CFAP52: variants seen among roughly 807,000 people sequenced by gnomAD.
The protein encoded by CFAP52 is cilia and flagella associated protein 52, also known as cilia- and flagella-associated protein 52.
A neutral mutation model predicts 70.5 loss-of-function variants in CFAP52; 57 were observed. The ratio of observed to expected loss-of-function variants is 0.81; its 90% CI spans 0.65 to 1.01. The LOEUF (loss-of-function observed/expected upper bound fraction) is 1.01. CFAP52 is among the 50% of genes least tolerant of loss of function. CFAP52 has a pLI of 0.00. For synonymous variants in CFAP52, 267 were observed against 292.5 expected, an observed-to-expected ratio of 0.91 and a Z score of 0.89; for missense variants, 785 against 788.5, an observed-to-expected ratio of 1.00 and a Z score of 0.05.
At position 9,580,715 on chromosome 17, in the gene CFAP52, G is replaced by C. The variant is rs1314771084; in HGVS notation, c.70+3950G>C. 2.0e-5 allele frequency among the ~76,000 whole-genome samples: 3 copies of C among 149,208 alleles called. No homozygotes were observed. The East Asian group carries it at 6.0e-4, about 30-fold the overall frequency. On this transcript the variant is annotated intron_variant, in intron 1 of 13. Coordinates refer to ENST00000352665, the MANE Select transcript of CFAP52 (RefSeq NM_145054.5). ...AAAAAAAAAAAAAAATGCTGTTAAA[G>C]CAGTGATGGTTTTTGCTTCTCAAAC...
chr17:9,594,079 T>A, intron 3 of CFAP52, 114 bp from the exon 4 acceptor site: 1 of 1,423,560 alleles, frequency 7.0e-7, no homozygotes, highest in Non-Finnish European at 9.2e-7. Context: ...GTTGTTCGTT[T>A]TTAAGTAACC....
chr17:9,596,083 ATATATATATATATATATATG>A (rs1909003810), intron 4 of CFAP52, among the ~76,000 whole-genome samples: 2 of 139,406 alleles, frequency 1.4e-5, no homozygotes, highest in Non-Finnish European at 1.5e-5. Context: ...ATATATATAT[ATATATATATATATATATATG>A]TACACATATA....
At chr17:9,591,405 A>G (rs901243429) in intron 3 of CFAP52, among the ~76,000 whole-genome samples, 3 of 152,104 alleles carry the variant, frequency 2.0e-5, no homozygotes, top group Admixed American at 6.6e-5. Flanking sequence ...CATGGTATTC[A>G]TGTTGTAATG....
intron 12 of CFAP52, 181 bp downstream of exon 12, chr17:9,638,892 G>C (rs1225450387): frequency 1.7e-6 from 1 of 604,778 alleles, no homozygotes; most frequent in Non-Finnish European, 2.9e-6. Flanking sequence ...TTCCCCACCT[G>C]TTAAGTGGAA....
intron 6 of CFAP52, among the ~76,000 whole-genome samples, chr17:9,601,976 C>T (rs775698776): frequency 2.6e-5 from 4 of 152,108 alleles, no homozygotes; most frequent in Non-Finnish European, 5.9e-5. Flanking sequence ...TTCTTAGTCA[C>T]ATAATCATTT....
chr17:9,595,567 A>T (rs921605569), intron 4 of CFAP52, among the ~76,000 whole-genome samples: 6 of 152,062 alleles, frequency 3.9e-5, no homozygotes, highest in African/African-American at 1.5e-4. Flanking sequence ...CTGCTCCTTC[A>T]CAGCCCCTTA....
At chr17:9,639,974 T>C (rs1401054596) in intron 12 of CFAP52, among the ~76,000 whole-genome samples, 1 of 152,200 alleles carries the variant, frequency 6.6e-6, no homozygotes, top group East Asian at 1.9e-4. Context: ...GGTTCTGGCA[T>C]GGTTTTCTAT....
downstream of CFAP52, chr17:9,645,543 C>T: frequency 8.9e-7 from 1 of 1,125,480 alleles, no homozygotes; most frequent in African/African-American, 1.6e-5. This position sits in a 1 kb window ranked among gnomAD's most constrained non-coding sequence, Gnocchi z 6.8. Context: ...TAGCCGGCAC[C>T]AGGAGCCTTA....
At chr17:9,607,749 T>C (rs950335884) in intron 6 of CFAP52, among the ~76,000 whole-genome samples, 2 of 152,148 alleles carry the variant, frequency 1.3e-5, no homozygotes, top group African/African-American at 4.8e-5. Context: ...ATTTTTAAAA[T>C]ATTCAAAATG....
At chr17:9,599,778 G>T (rs1194426211) in intron 5 of CFAP52, among the ~76,000 whole-genome samples, 1 of 151,142 alleles carries the variant, frequency 6.6e-6, no homozygotes, top group Non-Finnish European at 1.5e-5. Context: ...TTTTGCTCTT[G>T]TTGCCCAGGC....
At chr17:9,624,278 T>A (rs1910159057) in intron 8 of CFAP52, among the ~76,000 whole-genome samples, 1 of 152,124 alleles carries the variant, frequency 6.6e-6, no homozygotes, top group Non-Finnish European at 1.5e-5. Context: ...TGCTCACTTC[T>A]GTTCCCCTGA....
At chr17:9,608,707 A>T (rs1339926670) in intron 7 of CFAP52, among the ~76,000 whole-genome samples, 4 of 152,334 alleles carry the variant, frequency 2.6e-5, no homozygotes, top group African/African-American at 7.2e-5. Flanking sequence ...TCTGCTATGT[A>T]TGTTTCTTGG....
At chr17:9,632,792 C>G (rs75224587) in intron 9 of CFAP52, 96 bp from the exon 10 acceptor site, 45 of 1,514,686 alleles carry the variant, frequency 3.0e-5, no homozygotes, top group African/African-American at 4.4e-5. Context: ...CACAGCACCA[C>G]TCACCAGGCC....
chr17:9,604,599 C>G (rs534323029), intron 6 of CFAP52, among the ~76,000 whole-genome samples: 2 of 151,946 alleles, frequency 1.3e-5, no homozygotes, highest in South Asian at 4.2e-4. Flanking sequence ...GAAACCCCGT[C>G]TCTACTAAAA....
At position 9,585,816 on chromosome 17, in the gene CFAP52, T is replaced by C. The variant is rs1908440189; in HGVS notation, c.114T>C (p.His38=). 3 of 1,613,980 alleles carry C rather than the reference T, an allele frequency of 1.9e-6. No individual in the cohort carries two copies. Among genetic ancestry groups the C allele is most frequent in the Non-Finnish European group, 2.5e-6 (3 of 1,180,026 alleles). Residue 38 remains histidine, a synonymous_variant, in exon 2 of 14, where the codon CAT becomes CAC. Transcript: ENST00000352665. ...TCAAATGCCATCCTGACCAGGAGCATATGATTTATCCTCTTGGTTGCACAG... is the reference window on the plus strand; with the variant it reads ...TCAAATGCCATCCTGACCAGGAGCACATGATTTATCCTCTTGGTTGCACAG... ...TGLKCHPDQE[H]MIYPLGCTVL...
chr17:9,582,740 G>A (rs577830203), intron 1 of CFAP52, among the ~76,000 whole-genome samples: 4 of 152,250 alleles, frequency 2.6e-5, no homozygotes, highest in South Asian at 2.1e-4. Flanking sequence ...AGGTTTAAGC[G>A]ATTCTCCTGC....
At chr17:9,623,690 GTTT>G (rs1910132214) in intron 8 of CFAP52, among the ~76,000 whole-genome samples, 3 of 151,834 alleles carry the variant, frequency 2.0e-5, no homozygotes, top group African/African-American at 7.2e-5. Flanking sequence ...TTGTTTGTTT[GTTT>G]GTTTGTTTAA....
intron 11 of CFAP52, among the ~76,000 whole-genome samples, chr17:9,635,807 C>T (rs1368704179): frequency 2.0e-5 from 3 of 152,038 alleles, no homozygotes; most frequent in Admixed American, 2.0e-4. Context: ...TTTCTGTGTC[C>T]ACACAGTGAA....
intron 1 of CFAP52, 48 bp downstream of exon 1, chr17:9,576,813 A>G (rs1483571109): frequency 1.9e-6 from 3 of 1,588,482 alleles, no homozygotes; most frequent in Non-Finnish European, 2.6e-6. Flanking sequence ...AATTCGGAGG[A>G]CGTGTAGTGC....
Sources: allele counts gnomAD v4.1 joint callset (sites outside exome capture counted in the v4.1 genomes callset), GRCh38; gene constraint gnomAD v4.1.1; non-coding constraint Gnocchi (gnomAD v3.1); transcripts MANE v1.5; gene names NCBI Gene and HGNC (gene_info 2026-07-23, HGNC 2026-07-21).